The following C8orf34 variants were observed in gnomAD, a reference collection of about 807,000 sequenced individuals.
C8orf34 encodes the protein uncharacterized protein C8orf34.
Under a neutral mutation model 68.3 loss-of-function variants are expected in C8orf34, and 65 were observed. The ratio of observed to expected loss-of-function variants is 0.95; its 90% CI spans 0.78 to 1.17. The LOEUF is 1.17. Ranked by LOEUF, C8orf34 falls within the 50% of genes most tolerant of loss-of-function variation. The pLI is 0.00. For missense variants in C8orf34, 664 were observed against 655.4 expected, an observed-to-expected ratio of 1.01 and a Z score of -0.14; for synonymous variants, 244 against 241.2, an observed-to-expected ratio of 1.01 and a Z score of -0.11.
chr8:68,759,408 A>G (rs1822963424), intron 10 of C8orf34, among the ~76,000 whole-genome samples: 1 of 152,166 alleles, frequency 6.6e-6, no homozygotes, highest in Admixed American at 6.5e-5. Flanking sequence ...AGCAAAATGC[A>G]ATTTTGTGTT....
chr8:68,752,138 C>A (rs1179134843), intron 10 of C8orf34, among the ~76,000 whole-genome samples: 2 of 152,194 alleles, frequency 1.3e-5, no homozygotes, highest in African/African-American at 4.8e-5. Flanking sequence ...CTAAGACTTC[C>A]TTTAAGAGAG....
intron 12 of C8orf34, among the ~76,000 whole-genome samples, chr8:68,801,486 G>A (rs1427480189): frequency 6.6e-6 from 1 of 152,150 alleles, no homozygotes; most frequent in East Asian, 1.9e-4. Flanking sequence ...ATTTAAGGTT[G>A]CTATCTCTAC....
chr8:68,419,826 T>G (rs1252439792), intron 1 of C8orf34, among the ~76,000 whole-genome samples: 29 of 84,952 alleles, frequency 3.4e-4, no homozygotes, highest in African/African-American at 1.0e-3. Flanking sequence ...TGGGGACTGT[T>G]GTGGGGTGGG....
Position 68,331,081 on chromosome 8 carries a change from G to GC in C8orf34, c.73dup (p.His25ProfsTer37). 1 of 1,445,098 alleles carries GC rather than the reference G, an allele frequency of 6.9e-7. No individual in the cohort carries two copies. Among genetic ancestry groups the GC allele is most frequent in the Non-Finnish European group, 9.1e-7 (1 of 1,102,858 alleles). 89.5% of individuals were successfully genotyped at this position (1,445,098 alleles called of 1,614,324 possible). ...TGCGCCCAGGCTTCCGGCTCTCAGC[G>GC]CCCCACGCGCGCGTGGCTCCCCGGG... On this transcript the variant is annotated frameshift_variant, in exon 1 of 14. Coordinates refer to ENST00000518698, the MANE Select transcript of C8orf34 (RefSeq NM_052958.4). LOFTEE classifies it high-confidence loss of function.
Position 68,472,828 on chromosome 8 carries a change from C to A in C8orf34, c.736+4008C>A, listed in dbSNP as rs60370953. Among the ~76,000 whole-genome samples, 724 of 152,070 alleles carry A rather than the reference C, an allele frequency of 4.8e-3. 3 individuals carry two copies. The highest frequency in any genetic ancestry group is 0.031 in the Middle Eastern group (9 of 292). ...TTTCGAGATATTTTATATTCTTTTTCTCTCATTCTAAGTCTTCAAACTCTA... is the reference window on the plus strand; with the variant it reads ...TTTCGAGATATTTTATATTCTTTTTATCTCATTCTAAGTCTTCAAACTCTA... On this transcript the variant is annotated intron_variant, in intron 4 of 13. Coordinates refer to ENST00000518698, the MANE Select transcript of C8orf34 (RefSeq NM_052958.4).
intron 10 of C8orf34, among the ~76,000 whole-genome samples, chr8:68,776,063 C>T (rs1439516706): frequency 6.6e-6 from 1 of 152,132 alleles, no homozygotes. Flanking sequence ...AGCTTAATAC[C>T]TAGGTGATGG....
rs115839944 is a variant in C8orf34 at position 68,416,256 on chromosome 8, A to G, written c.328-23243A>G. Among the ~76,000 whole-genome samples the G allele has an allele frequency of 9.6e-3, 1,465 of 152,278 alleles. 24 individuals carry two copies. The highest frequency in any genetic ancestry group is 0.032 in the African/African-American group (1,339 of 41,556). ...ATGTTTAACAATCCTCACTCGTGGC[A>G]GCATCTGATCCCCTTCCCTGATTTA... On this transcript the variant is annotated intron_variant, in intron 1 of 13. Transcript: ENST00000518698.
chr8:68,536,557 A>G (rs1311138315), intron 7 of C8orf34, among the ~76,000 whole-genome samples: 4 of 151,898 alleles, frequency 2.6e-5, no homozygotes, highest in Non-Finnish European at 4.4e-5. Flanking sequence ...AGTTTCAGTC[A>G]CGTTTTTGAT....
At chr8:68,509,258 C>T (rs116085464) in intron 5 of C8orf34, among the ~76,000 whole-genome samples, 1,772 of 152,252 alleles carry the variant, frequency 0.012, 37 homozygotes, top group African/African-American at 0.04. Context: ...GCTCTGGCTG[C>T]ATGACTGCCT....
intron 3 of C8orf34, among the ~76,000 whole-genome samples, chr8:68,463,008 T>G (rs568750184): frequency 6.6e-6 from 1 of 152,010 alleles, no homozygotes; most frequent in South Asian, 2.1e-4. Flanking sequence ...CAGGAGCTGG[T>G]TTTTTGAAGG....
chr8:68,639,235 T>G (rs2130729577), intron 7 of C8orf34, among the ~76,000 whole-genome samples: 1 of 152,242 alleles, frequency 6.6e-6, no homozygotes, highest in Middle Eastern at 3.4e-3. Context: ...GTGATAAGTT[T>G]TTGATGACTC....
intron 10 of C8orf34, among the ~76,000 whole-genome samples, chr8:68,776,067 G>A (rs1823506464): frequency 6.6e-6 from 1 of 152,124 alleles, no homozygotes; most frequent in Non-Finnish European, 1.5e-5. Context: ...TAATACCTAG[G>A]TGATGGGTTG....
chr8:68,624,643 A>G (rs545541956), intron 7 of C8orf34, among the ~76,000 whole-genome samples: 42 of 152,210 alleles, frequency 2.8e-4, no homozygotes, highest in Non-Finnish European at 5.4e-4. Context: ...CATTCATTCA[A>G]TATATAACTA....
intron 10 of C8orf34, among the ~76,000 whole-genome samples, chr8:68,765,844 A>C: frequency 6.6e-6 from 1 of 152,254 alleles, no homozygotes; most frequent in East Asian, 1.9e-4. Flanking sequence ...GTTAAGGATT[A>C]AAAATATAAT....
intron 3 of C8orf34, among the ~76,000 whole-genome samples, chr8:68,456,349 C>A (rs1030113340): frequency 6.6e-6 from 1 of 152,022 alleles, no homozygotes. Flanking sequence ...ACTTCTTAGC[C>A]CATTCAAAAG....
chr8:68,575,698 A>G (rs976301431), intron 7 of C8orf34, among the ~76,000 whole-genome samples: 2 of 152,036 alleles, frequency 1.3e-5, no homozygotes, highest in Non-Finnish European at 2.9e-5. Flanking sequence ...CTTTTAATGG[A>G]GTCCTGTGTT....
At chr8:68,406,606 G>A (rs192750172) in intron 1 of C8orf34, among the ~76,000 whole-genome samples, 1 of 151,884 alleles carries the variant, frequency 6.6e-6, no homozygotes, top group Non-Finnish European at 1.5e-5. Flanking sequence ...AGTGATTCTC[G>A]GGCCCCAGCC....
At chr8:68,645,156 C>T (rs1344696893) in intron 8 of C8orf34, among the ~76,000 whole-genome samples, 1 of 151,832 alleles carries the variant, frequency 6.6e-6, no homozygotes, top group Non-Finnish European at 1.5e-5. Context: ...CTGACATCCA[C>T]ACTCTAAATT....
At chr8:68,783,940 T>C (rs1823769229) in intron 11 of C8orf34, among the ~76,000 whole-genome samples, 1 of 152,218 alleles carries the variant, frequency 6.6e-6, no homozygotes, top group South Asian at 2.1e-4. Flanking sequence ...ATTAGATAGA[T>C]AATACAGAGG....
Sources: allele counts gnomAD v4.1 joint callset (sites outside exome capture counted in the v4.1 genomes callset), GRCh38; gene constraint gnomAD v4.1.1; transcripts MANE v1.5; gene names NCBI Gene and HGNC (gene_info 2026-07-23, HGNC 2026-07-21).